ABHD12: variants seen among roughly 807,000 people sequenced by gnomAD.
The protein encoded by ABHD12 is lysophosphatidylserine lipase ABHD12.
In ABHD12, 43 loss-of-function variants were observed where a neutral mutation model predicts 58.3. That is an observed-to-expected ratio of 0.74 (90% CI 0.58 to 0.95). The LOEUF is 0.95. ABHD12 is among the 40% of genes least tolerant of loss of function. ABHD12 has a pLI of 0.00. For missense variants in ABHD12, 539 were observed against 537.2 expected (o/e 1.00, Z -0.03); for synonymous variants, 219 against 211.2 (o/e 1.04, Z -0.32).
intron 1 of ABHD12, among the ~76,000 whole-genome samples, chr20:25,382,751 G>C (rs770349659): frequency 6.6e-6 from 1 of 152,124 alleles, no homozygotes; most frequent in Non-Finnish European, 1.5e-5. Flanking sequence ...CATAGAAGGC[G>C]GACACTCCCT....
At chr20:25,321,586 T>C (rs2089067575) in intron 3 of ABHD12, among the ~76,000 whole-genome samples, 3 of 152,248 alleles carry the variant, frequency 2.0e-5, no homozygotes, top group African/African-American at 7.2e-5. Flanking sequence ...TGTCACTGCC[T>C]TGACACTTGC....
chr20:25,356,837 G>C (rs930495590), intron 1 of ABHD12, among the ~76,000 whole-genome samples: 3 of 152,166 alleles, frequency 2.0e-5, no homozygotes, highest in African/African-American at 7.2e-5. Context: ...ATGAGGACTG[G>C]GCAGTGAGCA....
At chr20:25,350,917 C>A (rs1302024234) in intron 1 of ABHD12, among the ~76,000 whole-genome samples, 5 of 149,430 alleles carry the variant, frequency 3.3e-5, no homozygotes, top group Non-Finnish European at 7.4e-5. Context: ...TAAAAAAAAG[C>A]TGTAGAAAAG....
intron 1 of ABHD12, among the ~76,000 whole-genome samples, chr20:25,360,227 CTTTTTT>C (rs576215687): frequency 9.3e-3 from 348 of 37,270 alleles, no homozygotes; most frequent in African/African-American, 0.023. Flanking sequence ...GAACACGTTA[CTTTTTT>C]TTTTTTTTTT....
rs73614588 is a variant in ABHD12, at chr20:25,346,832, A to G, written c.192-7481T>C. On this transcript the variant is annotated intron_variant, in intron 1 of 12. Coordinates refer to ENST00000339157, the MANE Select transcript of ABHD12 (RefSeq NM_001042472.3). Reference sequence around the variant, plus strand: ...AGCTAATTTTTTGTGTTTTTAGTAGAGACAAGTTTCACTATGTTAGCCAGG... The same window carrying G: ...AGCTAATTTTTTGTGTTTTTAGTAGGGACAAGTTTCACTATGTTAGCCAGG... Among the ~76,000 whole-genome samples, 74 of 152,162 alleles carry G rather than the reference A, an allele frequency of 4.9e-4. No homozygotes were observed. In the East Asian group the frequency reaches 0.014, roughly 29 times the overall value.
intron 1 of ABHD12, among the ~76,000 whole-genome samples, chr20:25,374,467 G>T (rs181424986): frequency 9.9e-5 from 15 of 152,138 alleles, no homozygotes; most frequent in Admixed American, 4.6e-4. Flanking sequence ...TTAACTTCTA[G>T]AACATATGGA....
intron 1 of ABHD12, 140 bp from the exon 2 acceptor site, chr20:25,339,491 G>C: frequency 2.1e-6 from 3 of 1,412,000 alleles, no homozygotes; most frequent in Admixed American, 3.9e-5. Context: ...AATAAAAGTA[G>C]CCTCCCACCT....
chr20:25,339,355 C>T lies in ABHD12; in HGVS notation c.192-4G>A, dbSNP rs551818902. ...GCGCAACCACACGCCCTTTCGCCTG[C>T]AAGAGAAAAGCAATGAATAGGTCAG... On this transcript the variant is annotated splice_region_variant and splice_polypyrimidine_tract_variant and intron_variant, in intron 1 of 12. Coordinates refer to ENST00000339157, the MANE Select transcript of ABHD12 (RefSeq NM_001042472.3). 1.4e-5 allele frequency: 22 copies of T among 1,614,102 alleles called. No individual in the cohort carries two copies. In the South Asian group the frequency reaches 1.9e-4, roughly 14 times the overall value.
chr20:25,339,052 C>T, intron 2 of ABHD12, 175 bp downstream of exon 2: 1 of 1,389,348 alleles, frequency 7.2e-7, no homozygotes, highest in Non-Finnish European at 9.4e-7. Context: ...GGTGGTAGCT[C>T]TACCTATCTA....
intron 1 of ABHD12, among the ~76,000 whole-genome samples, chr20:25,370,617 T>C (rs191396847): frequency 8.7e-4 from 133 of 152,200 alleles, no homozygotes; most frequent in African/African-American, 3.0e-3. Context: ...GATTAGAGCA[T>C]GAGTAGTGGA....
chr20:25,373,850 C>G (rs1354352639), intron 1 of ABHD12, among the ~76,000 whole-genome samples: 1 of 152,114 alleles, frequency 6.6e-6, no homozygotes. Flanking sequence ...TTTTTTCTCT[C>G]CTTTCTCCTC....
chr20:25,314,056 T>A (rs1372093654), intron 6 of ABHD12, among the ~76,000 whole-genome samples: 1 of 151,734 alleles, frequency 6.6e-6, no homozygotes. Flanking sequence ...CACTGCAAGC[T>A]CTGCCTCCCA....
At chr20:25,324,629 C>T (rs1446996576) in intron 2 of ABHD12, among the ~76,000 whole-genome samples, 2 of 152,108 alleles carry the variant, frequency 1.3e-5, no homozygotes, top group Non-Finnish European at 2.9e-5. Flanking sequence ...CTCCCATGTC[C>T]ATGTGGCACA....
chr20:25,298,339 C>G (rs925052031), downstream of ABHD12, among the ~76,000 whole-genome samples: 1 of 152,058 alleles, frequency 6.6e-6, no homozygotes, highest in Non-Finnish European at 1.5e-5. Flanking sequence ...GGTCTTGGCT[C>G]GCTGCAACCT....
intron 2 of ABHD12, among the ~76,000 whole-genome samples, chr20:25,331,780 T>C (rs2089280909): frequency 6.6e-6 from 1 of 152,004 alleles, no homozygotes; most frequent in African/African-American, 2.4e-5. Context: ...CCACCAGGCC[T>C]GCCCTAAAAG....
chr20:25,306,701 C>T (rs569348399), intron 10 of ABHD12, 132 bp downstream of exon 10: 1 of 677,174 alleles, frequency 1.5e-6, no homozygotes, highest in South Asian at 1.8e-5. Context: ...TTTTTAAAGA[C>T]CTGTTTGCTA....
At chr20:25,296,680 G>A (rs201286188), downstream of ABHD12, 5 of 969,328 alleles carry the variant, frequency 5.2e-6, no homozygotes, top group East Asian at 1.1e-4. Context: ...TTTTGAGAGA[G>A]CAGGGTAAGG....
rs188232286 is a variant in ABHD12 at position 25,316,963 on chromosome 20, C to T, written c.573+85G>A. ...AAACAGCCCAGCAATAGTTAACTCTCAAGCTGTGAGTCTGGTGACTCCCTT... is the reference window on the plus strand; with the variant it reads ...AAACAGCCCAGCAATAGTTAACTCTTAAGCTGTGAGTCTGGTGACTCCCTT... On this transcript the variant is annotated intron_variant, in intron 5 of 12. Transcript: ENST00000339157. 1.2e-5 allele frequency: 15 copies of T among 1,250,798 alleles called. No homozygotes were observed. In the Admixed American group the frequency reaches 1.7e-4, roughly 14 times the overall value. The allele number at this position is 1,250,798 out of a possible 1,614,324, so 77.5% of individuals were successfully genotyped here.
intron 5 of ABHD12, among the ~76,000 whole-genome samples, chr20:25,316,191 G>A (rs552262866): frequency 6.6e-6 from 1 of 151,700 alleles, no homozygotes; most frequent in Non-Finnish European, 1.5e-5. Context: ...ACGGAGTCTT[G>A]CTCTGTTGCC....
Sources: gnomAD v4.1 joint callset for allele counts (sites outside exome capture counted in the v4.1 genomes callset) on GRCh38, gnomAD v4.1.1 for gene constraint, MANE v1.5 for transcripts, NCBI Gene and HGNC (gene_info 2026-07-23, HGNC 2026-07-21) for gene names.